KLF7: variants seen among roughly 807,000 people sequenced by gnomAD.
The protein encoded by KLF7 is KLF transcription factor 7, also known as Krueppel-like factor 7.
A neutral mutation model predicts 27.3 loss-of-function variants in KLF7; 2 were observed. The ratio of observed to expected loss-of-function variants is 0.07; its 90% CI spans 0.03 to 0.23. The LOEUF (loss-of-function observed/expected upper bound fraction) is 0.23. Among genes scored for constraint, KLF7 ranks in the 10% least tolerant of loss-of-function variants. The probability of loss-of-function intolerance (pLI) is 1.00; values close to 1 mark genes in which losing one functional copy is unlikely to be tolerated. For missense variants in KLF7, 221 were observed against 394.1 expected (o/e 0.56, Z 3.72); for synonymous variants, 165 against 162.4 (o/e 1.02, Z -0.12).
the KLF7 span, among the ~76,000 whole-genome samples, chr2:207,172,911 GGA>G: frequency 6.6e-6 from 1 of 152,328 alleles, no homozygotes; most frequent in Non-Finnish European, 1.5e-5. Flanking sequence ...TATGAGAGCA[GGA>G]GAGAAGATTG....
intron 1 of KLF7, among the ~76,000 whole-genome samples, chr2:207,133,609 C>A (rs777994911): frequency 6.6e-6 from 1 of 152,130 alleles, no homozygotes; most frequent in East Asian, 1.9e-4. Context: ...TCTTGACGAG[C>A]GCTTGTGTCA....
intron 1 of KLF7, chr2:207,133,994 C>T (rs1380785076): frequency 8.4e-6 from 10 of 1,186,802 alleles, no homozygotes; most frequent in Non-Finnish European, 1.2e-5. Context: ...TTATGCACCC[C>T]CACCCGCTCC....
intron 1 of KLF7, 24 bp downstream of exon 1, chr2:207,165,443 A>C: frequency 1.2e-6 from 2 of 1,614,060 alleles, no homozygotes; most frequent in Non-Finnish European, 1.7e-6. Context: ...CACACGATTT[A>C]CACAAGTAAT....
intron 2 of KLF7, among the ~76,000 whole-genome samples, chr2:207,088,806 C>T (rs11895945): frequency 0.25 from 38,494 of 151,970 alleles, 5,386 homozygotes; most frequent in Middle Eastern, 0.33. Context: ...AAAGTGGTTT[C>T]ACCAGATCCT....
intron 2 of KLF7, among the ~76,000 whole-genome samples, chr2:207,091,844 C>T (rs377761984): frequency 6.6e-6 from 1 of 152,192 alleles, no homozygotes; most frequent in Non-Finnish European, 1.5e-5. Flanking sequence ...TAAACACCAA[C>T]AGCCACAGCT....
At chr2:207,084,780 G>A (rs997888776) in intron 3 of KLF7, among the ~76,000 whole-genome samples, 2 of 152,044 alleles carry the variant, frequency 1.3e-5, no homozygotes, top group African/African-American at 4.8e-5. Context: ...CAGCAGCCAG[G>A]TGACCTTAAA....
At chr2:207,142,469 G>A (rs2077970862) in intron 1 of KLF7, among the ~76,000 whole-genome samples, 1 of 152,188 alleles carries the variant, frequency 6.6e-6, no homozygotes, top group African/African-American at 2.4e-5. Flanking sequence ...TGCCTACAAG[G>A]TGCTCATGGT....
chr2:207,153,505 G>C (rs1162156057), intron 1 of KLF7, among the ~76,000 whole-genome samples: 1 of 152,170 alleles, frequency 6.6e-6, no homozygotes, highest in Non-Finnish European at 1.5e-5. Context: ...TACCATGGCT[G>C]TGTCATGGTT....
intron 1 of KLF7, among the ~76,000 whole-genome samples, chr2:207,146,747 C>A (rs376581884): frequency 6.6e-6 from 1 of 152,084 alleles, no homozygotes; most frequent in Non-Finnish European, 1.5e-5. Context: ...ACCAGAAAAA[C>A]GGAAGAAAGA....
At chr2:207,109,827 G>A (rs1057025918) in intron 2 of KLF7, among the ~76,000 whole-genome samples, 32 of 152,220 alleles carry the variant, frequency 2.1e-4, no homozygotes, top group South Asian at 2.1e-4. Context: ...ACTAAGGTCC[G>A]ATAACAACTG....
At chr2:207,088,739 T>G (rs1296514677) in intron 2 of KLF7, among the ~76,000 whole-genome samples, 158 bp from the exon 3 acceptor site, 2 of 152,036 alleles carry the variant, frequency 1.3e-5, no homozygotes, top group East Asian at 1.9e-4. Flanking sequence ...GTCTTTTGGG[T>G]TTTTTTTCCA....
chr2:207,166,154 G>C (rs2106161745), upstream of KLF7: 1 of 985,816 alleles, frequency 1.0e-6, no homozygotes, highest in Middle Eastern at 5.2e-4. Flanking sequence ...GCAGCCGTGG[G>C]ATCTCGAGGA....
chr2:207,115,046 T>C (rs930301439), intron 2 of KLF7, among the ~76,000 whole-genome samples: 74 of 152,214 alleles, frequency 4.9e-4, no homozygotes, highest in African/African-American at 1.7e-3. Flanking sequence ...TGTTTTATAA[T>C]ACCAGATGAG....
chr2:207,090,956 G>A (rs2076497935), intron 2 of KLF7, among the ~76,000 whole-genome samples: 1 of 152,102 alleles, frequency 6.6e-6, no homozygotes, highest in Non-Finnish European at 1.5e-5. Context: ...GAAGGCCTTC[G>A]AATGTAGTTA....
chr2:207,172,252 C>T (rs2078792449), upstream of KLF7, among the ~76,000 whole-genome samples: 1 of 152,134 alleles, frequency 6.6e-6, no homozygotes, highest in African/African-American at 2.4e-5. Context: ...AGGTGTTCTG[C>T]CCCTCCCTAG....
At chr2:207,150,629 A>G (rs1338793215) in intron 1 of KLF7, among the ~76,000 whole-genome samples, 2 of 152,256 alleles carry the variant, frequency 1.3e-5, no homozygotes, top group Non-Finnish European at 2.9e-5. Flanking sequence ...TATGGGAAAT[A>G]TAATTTAATA....
chr2:207,101,413 A>G (rs1367746285), intron 2 of KLF7, among the ~76,000 whole-genome samples: 1 of 152,242 alleles, frequency 6.6e-6, no homozygotes, highest in Non-Finnish European at 1.5e-5. Context: ...TAAGACTATT[A>G]GAGCAGGTGT....
rs2076225824 is a variant in KLF7 at position 207,079,075 on chromosome 2, TTG to T, written c.*2136_*2137del. ...GTTTTGTATTATTTTGTTTTTTTTT[TTG>T]TTTTTGTTTTTGTTTTTTTTGGTCT... On this transcript the variant is annotated 3_prime_UTR_variant, in exon 4 of 4. Transcript: ENST00000309446. The T allele has an allele frequency of 6.6e-6, 1 of 151,764 alleles. No homozygotes were observed. The highest frequency in any genetic ancestry group is 2.4e-5 in the African/African-American group (1 of 41,346). The allele number at this position is 151,764 out of a possible 1,614,324, so 9.4% of individuals were successfully genotyped here.
chr2:207,140,903 A>T lies in KLF7; in HGVS notation c.103-16499T>A, dbSNP rs111254574. On this transcript the variant is annotated intron_variant, in intron 1 of 3. Coordinates refer to ENST00000309446, the MANE Select transcript of KLF7 (RefSeq NM_003709.4). The stretch of plus-strand genomic sequence containing the variant: ...GGACACCAAATCCTTCAACTTTGAG[A>T]CTTTTTGTAAGTATGTAAAATAAAA... Among the ~76,000 whole-genome samples, 516 of 152,242 alleles carry T rather than the reference A, an allele frequency of 3.4e-3. 2 individuals carry two copies. The highest frequency in any genetic ancestry group is 0.011 in the African/African-American group (462 of 41,522).
Sources: allele counts gnomAD v4.1 joint callset (sites outside exome capture counted in the v4.1 genomes callset), GRCh38; gene constraint gnomAD v4.1.1; transcripts MANE v1.5; gene names NCBI Gene and HGNC (gene_info 2026-07-23, HGNC 2026-07-21).